The following TMTC1 variants were observed in gnomAD, a reference collection of about 807,000 sequenced individuals.
The protein encoded by TMTC1 is protein O-mannosyl-transferase TMTC1.
A neutral mutation model predicts 104.8 loss-of-function variants in TMTC1; 73 were observed. That is an observed-to-expected ratio of 0.70 (90% CI 0.58 to 0.85). TMTC1 has a LOEUF of 0.85. Ranked by LOEUF, TMTC1 falls within the 40% of genes least tolerant of loss-of-function variation. The probability of loss-of-function intolerance (pLI) is 0.00; values close to 1 mark genes in which losing one functional copy is unlikely to be tolerated. For missense variants in TMTC1, 1,035 were observed against 1,096.1 expected (o/e 0.94, Z 0.79); for synonymous variants, 434 against 428.7 (o/e 1.01, Z -0.15).
chr12:29,517,648 A>T, intron 13 of TMTC1, 77 bp from the exon 14 acceptor site: 3 of 1,548,880 alleles, frequency 1.9e-6, no homozygotes, highest in South Asian at 2.3e-5. Flanking sequence ...AGATTTAGGG[A>T]AGACGGTCCA....
chr12:29,640,754 G>C (rs1351658526), intron 5 of TMTC1: 1 of 152,264 alleles, frequency 6.6e-6, no homozygotes, highest in African/African-American at 2.4e-5. Context: ...CAGTTTGAAC[G>C]GGGTGAGAAG....
chr12:29,628,185 C>T (rs1284469623), intron 6 of TMTC1, among the ~76,000 whole-genome samples: 3 of 152,176 alleles, frequency 2.0e-5, no homozygotes, highest in Non-Finnish European at 4.4e-5. Flanking sequence ...TTTTCTCCTA[C>T]TTATCTTATC....
intron 1 of TMTC1, among the ~76,000 whole-genome samples, chr12:29,780,095 T>C (rs946762926): frequency 6.6e-6 from 1 of 152,194 alleles, no homozygotes; most frequent in Non-Finnish European, 1.5e-5. Context: ...GGCAGCTTCA[T>C]ATAAAGCATA....
intron 5 of TMTC1, among the ~76,000 whole-genome samples, chr12:29,672,006 T>C (rs1774818615): frequency 6.6e-6 from 1 of 152,100 alleles, no homozygotes; most frequent in Non-Finnish European, 1.5e-5. Context: ...TCTCCTCCTG[T>C]ATATGGGGGC....
intron 10 of TMTC1, among the ~76,000 whole-genome samples, chr12:29,548,038 C>A (rs986360282): frequency 1.3e-5 from 2 of 152,184 alleles, no homozygotes; most frequent in African/African-American, 2.4e-5. Flanking sequence ...CAGGCGCTAA[C>A]CATTCTTCTT....
chr12:29,622,645 C>A (rs934821381), intron 6 of TMTC1, among the ~76,000 whole-genome samples: 1 of 152,194 alleles, frequency 6.6e-6, no homozygotes, highest in Non-Finnish European at 1.5e-5. Flanking sequence ...AGAGTGATTA[C>A]CCTCATCACA....
Position 29,755,768 on chromosome 12 carries a change from C to A in TMTC1, c.672G>T (p.Thr224=). Residue 224 remains threonine (T), a synonymous_variant, in exon 4 of 18, where the codon ACG becomes ACT. Transcript: ENST00000539277. ...CATAAACCAAGCACACTCCAAACAC[C>A]GTGATGCCTGTCTCTTTCACCAGCA... The part of the protein sequence containing the change: ...CAMLVKETGI[T]VFGVCLVYDL... 1.2e-6 allele frequency: 2 copies of A among 1,614,134 alleles called. No individual in the cohort carries two copies. Among genetic ancestry groups the A allele is most frequent in the East Asian group, 4.5e-5 (2 of 44,880 alleles).
chr12:29,706,690 A>G (rs1376172266), intron 5 of TMTC1, among the ~76,000 whole-genome samples: 3 of 152,140 alleles, frequency 2.0e-5, no homozygotes, highest in African/African-American at 7.2e-5. Context: ...CCATAAAAAC[A>G]ATTATTTTTA....
chr12:29,521,021 A>G (rs990491156), intron 11 of TMTC1: 4 of 203,818 alleles, frequency 2.0e-5, no homozygotes, highest in African/African-American at 9.2e-5. Context: ...ACCGGGGAAA[A>G]AGGACTGAAA....
intron 7 of TMTC1, among the ~76,000 whole-genome samples, chr12:29,587,141 A>G (rs1456614560): frequency 6.6e-6 from 1 of 152,070 alleles, no homozygotes; most frequent in Non-Finnish European, 1.5e-5. Flanking sequence ...CAGAGATTCA[A>G]CTGCTTCCTG....
intron 5 of TMTC1, among the ~76,000 whole-genome samples, chr12:29,726,428 A>C (rs1419885857): frequency 6.8e-6 from 1 of 146,452 alleles, no homozygotes; most frequent in African/African-American, 2.4e-5. Context: ...CCCAATCTTA[A>C]TATAACCCCA....
At chr12:29,679,407 T>A (rs544292534) in intron 5 of TMTC1, among the ~76,000 whole-genome samples, 2 of 152,176 alleles carry the variant, frequency 1.3e-5, no homozygotes, top group Non-Finnish European at 2.9e-5. Flanking sequence ...CAGTAAACGC[T>A]ATTATTTTGT....
chr12:29,514,863 A>G (rs906738649), intron 15 of TMTC1, among the ~76,000 whole-genome samples: 3 of 151,824 alleles, frequency 2.0e-5, no homozygotes, highest in Non-Finnish European at 2.9e-5. Flanking sequence ...AAAATACAAA[A>G]ATTAGCCAGG....
chr12:29,695,754 A>G (rs1036933944), intron 5 of TMTC1, among the ~76,000 whole-genome samples: 3 of 146,970 alleles, frequency 2.0e-5, no homozygotes, highest in African/African-American at 7.4e-5. Context: ...AGGTAAATCA[A>G]TAAGATTTAC....
At chr12:29,631,533 C>T (rs939926864) in intron 6 of TMTC1, among the ~76,000 whole-genome samples, 12 of 152,174 alleles carry the variant, frequency 7.9e-5, no homozygotes, top group Admixed American at 6.5e-4. Context: ...TGTCAAAAAA[C>T]AGTTGATCCC....
chr12:29,620,483 G>A (rs1947102450), intron 6 of TMTC1, among the ~76,000 whole-genome samples: 1 of 152,214 alleles, frequency 6.6e-6, no homozygotes, highest in African/African-American at 2.4e-5. Flanking sequence ...AATTTCATGT[G>A]AGACTAACAA....
intron 5 of TMTC1, among the ~76,000 whole-genome samples, chr12:29,710,605 ATTT>A (rs918897628): frequency 5.6e-5 from 8 of 142,170 alleles, no homozygotes; most frequent in Non-Finnish European, 9.1e-5. Flanking sequence ...TATACTTATA[ATTT>A]TTTATATTTA....
At chr12:29,566,367 G>A (rs913333481) in intron 9 of TMTC1, among the ~76,000 whole-genome samples, 2 of 152,158 alleles carry the variant, frequency 1.3e-5, no homozygotes, top group African/African-American at 2.4e-5. Context: ...GGTGCAGGGC[G>A]AGCATGGAGG....
chr12:29,675,026 T>C (rs1940671062), intron 5 of TMTC1, among the ~76,000 whole-genome samples: 1 of 152,214 alleles, frequency 6.6e-6, no homozygotes, highest in South Asian at 2.1e-4. Context: ...TGTTGCTATA[T>C]TTCCAGTCAC....
Sources: gnomAD v4.1 joint callset for allele counts (sites outside exome capture counted in the v4.1 genomes callset) on GRCh38, gnomAD v4.1.1 for gene constraint, MANE v1.5 for transcripts, NCBI Gene and HGNC (gene_info 2026-07-23, HGNC 2026-07-21) for gene names.